PLEKHF2: variants seen among roughly 807,000 people sequenced by gnomAD.
PLEKHF2 encodes the protein pleckstrin homology and FYVE domain containing 2, also known as pleckstrin homology domain-containing family F member 2.
In PLEKHF2, 4 loss-of-function variants were observed where a neutral mutation model predicts 14.7. The observed-to-expected ratio is 0.27, with a 90% CI of 0.13 to 0.62. The LOEUF (loss-of-function observed/expected upper bound fraction) is 0.62. Among genes scored for constraint, PLEKHF2 ranks in the 20% least tolerant of loss-of-function variants. The pLI, the probability that PLEKHF2 is intolerant of heterozygous loss-of-function variation, is 0.85. For synonymous variants in PLEKHF2, 90 were observed against 103.5 expected, an observed-to-expected ratio of 0.87 and a Z score of 0.79; for missense variants, 201 against 307.7, an observed-to-expected ratio of 0.65 and a Z score of 2.60.
At chr8:95,147,340 C>T (rs993371446) in intron 1 of PLEKHF2, among the ~76,000 whole-genome samples, 1 of 151,872 alleles carries the variant, frequency 6.6e-6, no homozygotes, top group Non-Finnish European at 1.5e-5. Context: ...TGTTTCTTAA[C>T]CCTTGATATT....
intron 1 of PLEKHF2, among the ~76,000 whole-genome samples, chr8:95,142,050 G>T (rs992198749): frequency 9.2e-5 from 14 of 151,694 alleles, no homozygotes; most frequent in African/African-American, 3.4e-4. Flanking sequence ...CTTGTGTTTT[G>T]TATTAACCTT....
intron 1 of PLEKHF2, among the ~76,000 whole-genome samples, chr8:95,153,087 A>T (rs73697758): frequency 0.027 from 4,137 of 152,224 alleles, 181 homozygotes; most frequent in African/African-American, 0.095. Flanking sequence ...ATCAGTTTCA[A>T]ACAAAACTAT....
At chr8:95,151,275 CTGTT>C (rs559413490) in intron 1 of PLEKHF2, among the ~76,000 whole-genome samples, 58 of 152,062 alleles carry the variant, frequency 3.8e-4, no homozygotes, top group African/African-American at 1.3e-3. Flanking sequence ...AATAGGAAAT[CTGTT>C]TGTGTTGTAT....
chr8:95,146,248 C>T (rs976410552), intron 1 of PLEKHF2, among the ~76,000 whole-genome samples: 1 of 152,024 alleles, frequency 6.6e-6, no homozygotes, highest in Non-Finnish European at 1.5e-5. Flanking sequence ...TATGAAATCA[C>T]TTATTTAGTG....
At chr8:95,145,274 TC>T (rs1810484800) in intron 1 of PLEKHF2, among the ~76,000 whole-genome samples, 1 of 152,156 alleles carries the variant, frequency 6.6e-6, no homozygotes. Flanking sequence ...GTGAACCTCT[TC>T]CTTTTATCAC....
At chr8:95,152,481 GT>G (rs1180793928) in intron 1 of PLEKHF2, among the ~76,000 whole-genome samples, 1 of 151,906 alleles carries the variant, frequency 6.6e-6, no homozygotes, top group Non-Finnish European at 1.5e-5. Flanking sequence ...ATATACTAAT[GT>G]TTAATATAAT....
At position 95,155,854 on chromosome 8, in the gene PLEKHF2, T is replaced by C. The variant is rs1251505281; in HGVS notation, c.*1060T>C. On this transcript the variant is annotated 3_prime_UTR_variant, in exon 2 of 2. Coordinates refer to ENST00000315367, the MANE Select transcript of PLEKHF2 (RefSeq NM_024613.4). ...GCTAGACTTCATATCGTGGAAGTAT[T>C]GTCTATTTCAGTGTGAAACTATCTT... 1 of 167,110 alleles carries C rather than the reference T, an allele frequency of 6.0e-6. No individual in the cohort carries two copies. The highest frequency in any genetic ancestry group is 6.5e-5 in the Admixed American group (1 of 15,284). 10.4% of individuals were successfully genotyped at this position (167,110 alleles called of 1,614,324 possible).
Position 95,147,216 on chromosome 8 carries a change from C to T in PLEKHF2, c.-14-6815C>T, listed in dbSNP as rs557919309. On this transcript the variant is annotated intron_variant, in intron 1 of 1. Transcript: ENST00000315367. Reference sequence around the variant, plus strand: ...ATTAAAAAATGGTTCTAAACCTTAGCTACATGTTACAATTATCTGAGGAGC... The same window carrying T: ...ATTAAAAAATGGTTCTAAACCTTAGTTACATGTTACAATTATCTGAGGAGC... Among the ~76,000 whole-genome samples, 33 of 152,034 alleles carry T rather than the reference C, an allele frequency of 2.2e-4. No homozygotes were observed. The South Asian group carries it at 6.2e-3, about 29-fold the overall frequency.
chr8:95,139,432 G>T (rs985659468), intron 1 of PLEKHF2, among the ~76,000 whole-genome samples: 1 of 152,146 alleles, frequency 6.6e-6, no homozygotes, highest in Non-Finnish European at 1.5e-5. Flanking sequence ...GCTTGAGACT[G>T]GGAGGTAGAG....
intron 1 of PLEKHF2, among the ~76,000 whole-genome samples, chr8:95,150,254 A>G (rs1810541438): frequency 6.6e-6 from 1 of 151,998 alleles, no homozygotes; most frequent in African/African-American, 2.4e-5. Context: ...ATTGCTTACC[A>G]TCTTTTTTAT....
chr8:95,155,072 A>G lies in PLEKHF2; in HGVS notation c.*278A>G, dbSNP rs184222173. On this transcript the variant is annotated 3_prime_UTR_variant, in exon 2 of 2. Transcript: ENST00000315367. ...TATTTTCTTGGAAGGTTGGGAAAAG[A>G]TGTTTGTTTTAACAGGTCATGTACT... 470 of 400,640 alleles carry G rather than the reference A, an allele frequency of 1.2e-3. 5 individuals carry two copies. The Admixed American group carries it at 0.017, about 14-fold the overall frequency. The allele number at this position is 400,640 out of a possible 1,614,324, so 24.8% of individuals were successfully genotyped here.
chr8:95,136,333 T>C (rs13264427), intron 1 of PLEKHF2, among the ~76,000 whole-genome samples: 22,316 of 123,576 alleles, frequency 0.18, 2,155 homozygotes, highest in African/African-American at 0.34. Context: ...TTATTATATA[T>C]ACACACACAC....
At chr8:95,136,943 C>G (rs1400023319) in intron 1 of PLEKHF2, among the ~76,000 whole-genome samples, 1 of 152,158 alleles carries the variant, frequency 6.6e-6, no homozygotes, top group Non-Finnish European at 1.5e-5. Context: ...TGCCCCCACC[C>G]AAGATAACTT....
chr8:95,152,300 A>C (rs914293682), intron 1 of PLEKHF2, among the ~76,000 whole-genome samples: 1 of 152,112 alleles, frequency 6.6e-6, no homozygotes, highest in African/African-American at 2.4e-5. Context: ...GTTATAAACA[A>C]TGCTGTGCTG....
intron 1 of PLEKHF2, among the ~76,000 whole-genome samples, chr8:95,143,130 C>T (rs151003417): frequency 0.077 from 11,182 of 146,104 alleles, 554 homozygotes; most frequent in African/African-American, 0.13. Context: ...GATGGAGTCT[C>T]GCTCTGTCGC....
chr8:95,154,266 TAACA>T lies in PLEKHF2; in HGVS notation c.228_231del (p.Lys76AsnfsTer20), dbSNP rs1323852891. 1.2e-6 allele frequency: 2 copies of T among 1,613,832 alleles called. No homozygotes were observed. The highest frequency in any genetic ancestry group is 1.7e-6 in the Non-Finnish European group (2 of 1,179,850). ...ATATTGTCATCCAGAAGAAAAAATA[TAACA>T]AACAACATATTATTCCCCTGGAAAA... On this transcript the variant is annotated frameshift_variant, in exon 2 of 2. Transcript: ENST00000315367. LOFTEE classifies it high-confidence loss of function. This position sits in a 1 kb window ranked among gnomAD's most constrained non-coding sequence, Gnocchi z 5.6.
At chr8:95,141,708 T>G (rs1042677565) in intron 1 of PLEKHF2, among the ~76,000 whole-genome samples, 3 of 150,494 alleles carry the variant, frequency 2.0e-5, no homozygotes, top group Non-Finnish European at 4.4e-5. Flanking sequence ...GTGTTTTGTT[T>G]TTTTTTTTTT....
Position 95,155,895 on chromosome 8 carries a change from G to C in PLEKHF2, c.*1101G>C, listed in dbSNP as rs959268121. 6.0e-6 allele frequency: 1 copy of C among 166,976 alleles called. No individual in the cohort carries two copies. The highest frequency in any genetic ancestry group is 1.5e-5 in the Non-Finnish European group (1 of 68,076). 10.3% of individuals were successfully genotyped at this position (166,976 alleles called of 1,614,324 possible). On this transcript the variant is annotated 3_prime_UTR_variant, in exon 2 of 2. Coordinates refer to ENST00000315367, the MANE Select transcript of PLEKHF2 (RefSeq NM_024613.4). ...AAACTATCTTGAATTTGCAAATATA[G>C]TGTTATATTTTATAAAGTTTTGTAA...
chr8:95,154,726 A>G lies in PLEKHF2; in HGVS notation c.682A>G (p.Ser228Gly), dbSNP rs1213685007. 6.2e-7 allele frequency: 1 copy of G among 1,614,124 alleles called. No homozygotes were observed. Among genetic ancestry groups the G allele is most frequent in the Non-Finnish European group, 8.5e-7 (1 of 1,179,994 alleles). ...TCQPARSDSY[S>G]QSLKSPLNDM... ...CCAGCCTGCTAGATCAGACTCTTAC[A>G]GCCAGTCATTGAAGTCTCCTTTAAA... The change falls in exon 2 of 2, where the codon AGC becomes GGC. Residue 228 changes from serine to glycine, a missense_variant. Ser to Gly is a moderately conservative substitution (Grantham distance 56). Coordinates refer to ENST00000315367, the MANE Select transcript of PLEKHF2 (RefSeq NM_024613.4). This position sits in a 1 kb window ranked among gnomAD's most constrained non-coding sequence, Gnocchi z 5.6.
Sources: gnomAD v4.1 joint callset for allele counts (sites outside exome capture counted in the v4.1 genomes callset) on GRCh38, gnomAD v4.1.1 for gene constraint, Gnocchi (gnomAD v3.1) non-coding constraint, MANE v1.5 for transcripts, NCBI Gene and HGNC (gene_info 2026-07-23, HGNC 2026-07-21) for gene names.